COP1: variants seen among roughly 807,000 people sequenced by gnomAD.
COP1 encodes the protein COP1 E3 ubiquitin ligase, also known as E3 ubiquitin-protein ligase COP1.
COP1 carries 24 observed loss-of-function variants against 101.3 expected under a neutral mutation model. The observed-to-expected ratio is 0.24, with a 90% CI of 0.17 to 0.33. The LOEUF is 0.33. COP1 is among the 10% of genes least tolerant of loss of function. COP1 has a pLI of 1.00. For missense variants in COP1, 663 were observed against 906.2 expected, an observed-to-expected ratio of 0.73 and a Z score of 3.45; for synonymous variants, 347 against 341.9, an observed-to-expected ratio of 1.01 and a Z score of -0.17.
At chr1:176,116,721 C>T (rs1270419031) in intron 8 of COP1, 40 bp from the exon 9 acceptor site, 4 of 1,408,176 alleles carry the variant, frequency 2.8e-6, no homozygotes, top group South Asian at 1.2e-5. Flanking sequence ...TCAGTATTTA[C>T]ATTATTTTAA....
intron 15 of COP1, among the ~76,000 whole-genome samples, chr1:176,006,483 G>C (rs1663250754): frequency 6.6e-6 from 1 of 152,208 alleles, no homozygotes; most frequent in East Asian, 1.9e-4. Context: ...GCAGTGGCTG[G>C]TATGGGTTGT....
At chr1:176,020,836 T>G (rs1666638595) in intron 15 of COP1, among the ~76,000 whole-genome samples, 3 of 152,232 alleles carry the variant, frequency 2.0e-5, no homozygotes, top group Non-Finnish European at 4.4e-5. Flanking sequence ...TATCACTATA[T>G]TACTGTAATG....
chr1:175,965,466 C>A (rs146302307), intron 18 of COP1, among the ~76,000 whole-genome samples: 1 of 152,122 alleles, frequency 6.6e-6, no homozygotes, highest in Non-Finnish European at 1.5e-5. Flanking sequence ...TTTCCTGACA[C>A]GCAGAATCAT....
chr1:176,084,532 C>A (rs1679765329), intron 10 of COP1, among the ~76,000 whole-genome samples: 2 of 152,072 alleles, frequency 1.3e-5, no homozygotes, highest in Admixed American at 6.6e-5. Flanking sequence ...CAAAAAAGAG[C>A]CCACATTGCC....
intron 2 of COP1, among the ~76,000 whole-genome samples, chr1:176,184,152 AT>A (rs756461099): frequency 1.3e-5 from 2 of 152,110 alleles, no homozygotes; most frequent in Admixed American, 6.6e-5. Flanking sequence ...AAATTAAAAA[AT>A]TTTTTTGATG....
Position 176,207,034 on chromosome 1 carries a change from C to T in COP1, c.-56G>A. 1 of 1,300,132 alleles carries T rather than the reference C, an allele frequency of 7.7e-7. No homozygotes were observed. The highest frequency in any genetic ancestry group is 1.6e-5 in the African/African-American group (1 of 64,398). The allele number at this position is 1,300,132 out of a possible 1,614,324, so 80.5% of individuals were successfully genotyped here. On this transcript the variant is annotated 5_prime_UTR_variant, in exon 1 of 20. Coordinates refer to ENST00000367669, the MANE Select transcript of COP1 (RefSeq NM_022457.7). ...GGAGGAGAGGGACCGCGACCTCGAC[C>T]CTCCGCCGCCTCCCCTCCCCTCAGC... is the stretch of plus-strand genomic sequence containing the variant.
At chr1:176,072,323 C>A (rs975459651) in intron 11 of COP1, among the ~76,000 whole-genome samples, 4 of 152,182 alleles carry the variant, frequency 2.6e-5, no homozygotes, top group African/African-American at 9.7e-5. Context: ...TTCATTCATT[C>A]ATGCATTCAT....
chr1:176,115,724 G>A (rs1450748424), intron 9 of COP1, among the ~76,000 whole-genome samples: 1 of 152,072 alleles, frequency 6.6e-6, no homozygotes, highest in Non-Finnish European at 1.5e-5. Context: ...CCAGCCTGGA[G>A]ACAGTGAGAT....
intron 8 of COP1, among the ~76,000 whole-genome samples, chr1:176,118,147 C>G (rs897719178): frequency 6.6e-6 from 1 of 152,146 alleles, no homozygotes; most frequent in Non-Finnish European, 1.5e-5. Context: ...TATTTGAGCT[C>G]TAGCTTCTCC....
chr1:176,203,198 G>A (rs955880699), intron 1 of COP1, among the ~76,000 whole-genome samples: 1 of 151,482 alleles, frequency 6.6e-6, no homozygotes, highest in Non-Finnish European at 1.5e-5. Context: ...TTAGCCGGGC[G>A]GGGTGGCCGG....
At chr1:176,171,829 ATGTG>A (rs1696115471) in intron 3 of COP1, among the ~76,000 whole-genome samples, 1 of 152,224 alleles carries the variant, frequency 6.6e-6, no homozygotes, top group South Asian at 2.1e-4. Flanking sequence ...GGATAAAACT[ATGTG>A]TGTGATATGA....
chr1:176,204,234 T>C (rs1301753963), intron 1 of COP1, among the ~76,000 whole-genome samples: 1 of 152,190 alleles, frequency 6.6e-6, no homozygotes, highest in Non-Finnish European at 1.5e-5. Flanking sequence ...ATAATTAGTA[T>C]TGTATTAAAA....
chr1:176,122,380 C>T (rs975370984), intron 8 of COP1, among the ~76,000 whole-genome samples: 1 of 151,952 alleles, frequency 6.6e-6, no homozygotes, highest in African/African-American at 2.4e-5. Context: ...TTTCCAAAAT[C>T]GGTGAAGGCA....
At chr1:176,009,963 A>AGTAT (rs1340226537) in intron 15 of COP1, among the ~76,000 whole-genome samples, 1 of 151,912 alleles carries the variant, frequency 6.6e-6, no homozygotes, top group Non-Finnish European at 1.5e-5. Context: ...TAACTGAAAA[A>AGTAT]GTATGCTTAA....
intron 15 of COP1, among the ~76,000 whole-genome samples, chr1:175,993,987 C>A (rs1339895956): frequency 6.6e-6 from 1 of 152,110 alleles, no homozygotes; most frequent in South Asian, 2.1e-4. Context: ...TTAAGGGCAG[C>A]CAGAGAGAAA....
intron 15 of COP1, among the ~76,000 whole-genome samples, chr1:175,990,374 T>A (rs1658102705): frequency 6.6e-6 from 1 of 152,136 alleles, no homozygotes; most frequent in South Asian, 2.1e-4. Context: ...TCAAGCATTT[T>A]AAATTTATTG....
rs904441587 is a variant in COP1 at position 176,137,298 on chromosome 1, T to C, written c.832-751A>G. On this transcript the variant is annotated intron_variant, in intron 6 of 19. Coordinates refer to ENST00000367669, the MANE Select transcript of COP1 (RefSeq NM_022457.7). ...TTCCCTTTCTCATTAGAGATTTAAGTTGCCTGCAAACTATCATATATAATT... is the reference window on the plus strand; with the variant it reads ...TTCCCTTTCTCATTAGAGATTTAAGCTGCCTGCAAACTATCATATATAATT... Among the ~76,000 whole-genome samples the C allele has an allele frequency of 2.0e-5, 3 of 152,234 alleles. 1 individual carries two copies. Among genetic ancestry groups the C allele is most frequent in the Non-Finnish European group, 4.4e-5 (3 of 68,038 alleles).
intron 8 of COP1, chr1:176,133,793 T>A (rs1572439638): frequency 4.5e-6 from 2 of 444,660 alleles, no homozygotes; most frequent in East Asian, 1.4e-4. Flanking sequence ...GAATGAATCA[T>A]TATTAGTGAA....
At chr1:176,073,329 A>G (rs1337131975) in intron 11 of COP1, among the ~76,000 whole-genome samples, 4 of 152,222 alleles carry the variant, frequency 2.6e-5, no homozygotes, top group Admixed American at 6.5e-5. Flanking sequence ...AATGCTTGAT[A>G]CAACTCCATT....
Sources: allele counts gnomAD v4.1 joint callset (sites outside exome capture counted in the v4.1 genomes callset), GRCh38; gene constraint gnomAD v4.1.1; transcripts MANE v1.5; gene names NCBI Gene and HGNC (gene_info 2026-07-23, HGNC 2026-07-21).